Variants in ARPP21 observed in about 807,000 individuals in gnomAD.
ARPP21 encodes the protein cAMP-regulated phosphoprotein 21.
In ARPP21, 69 loss-of-function variants were observed where a neutral mutation model predicts 113.2. The ratio of observed to expected loss-of-function variants is 0.61; its 90% CI spans 0.50 to 0.74. ARPP21 has a LOEUF of 0.74. Ranked by LOEUF, ARPP21 falls within the 30% of genes least tolerant of loss-of-function variation. The pLI, the probability that ARPP21 is intolerant of heterozygous loss-of-function variation, is 0.00. For missense variants in ARPP21, 1,070 were observed against 1,037.4 expected (o/e 1.03, Z -0.43); for synonymous variants, 368 against 375.5 (o/e 0.98, Z 0.23).
At chr3:35,683,670 C>T (rs942875062) in intron 4 of ARPP21, 56 bp from the exon 5 acceptor site, 2 of 775,414 alleles carry the variant, frequency 2.6e-6, no homozygotes, top group Non-Finnish European at 4.6e-6. Flanking sequence ...TCTGAGAATG[C>T]TTCCTGTTTG....
intron 14 of ARPP21, among the ~76,000 whole-genome samples, chr3:35,725,367 G>A (rs2093445681): frequency 1.3e-5 from 2 of 152,180 alleles, no homozygotes; most frequent in African/African-American, 4.8e-5. Flanking sequence ...AGGGAGGTGA[G>A]GAGCCTCTAG....
Position 35,715,470 on chromosome 3 carries a change from A to G in ARPP21, c.929A>G (p.Glu310Gly). 1 of 1,612,108 alleles carries G rather than the reference A, an allele frequency of 6.2e-7. No individual in the cohort carries two copies. The change falls in exon 12 of 21, where the codon GAA becomes GGA. Residue 310 changes from glutamate (E) to glycine (G), a missense_variant. Coordinates refer to ENST00000684406, the MANE Select transcript of ARPP21 (RefSeq NM_001385562.1). ...TGCTCCCAGGAAAGCCTTTTTGTGG[A>G]AAACAGGTAAAATAAAATTTACTTT... ...SVCSQESLFVENSRLLEDSNI... is the reference protein window; with the variant it reads ...SVCSQESLFVGNSRLLEDSNI...
chr3:35,722,442 C>T (rs533533775), intron 14 of ARPP21, among the ~76,000 whole-genome samples: 5 of 152,248 alleles, frequency 3.3e-5, no homozygotes, highest in African/African-American at 1.2e-4. Flanking sequence ...ATTATGAAGA[C>T]TGAAAGAGTC....
At position 35,683,777 on chromosome 3, in the gene ARPP21, T is replaced by C. The variant is rs2079683691; in HGVS notation, c.223T>C (p.Ser75Pro). ...TCGCAGCCTTGCTGTCTGTGAGGAA[T>C]CTTCTGCCAGACCAGGAGGTGAAAG... ...LTRSLAVCEE[S>P]SARPGGESLQ... The change falls in exon 5 of 21, where the codon TCT becomes CCT. Residue 75 changes from serine (S) to proline (P), a missense_variant. Physicochemically the swap from Ser to Pro is moderately conservative, Grantham distance 74. Coordinates refer to ENST00000684406, the MANE Select transcript of ARPP21 (RefSeq NM_001385562.1). The C allele has an allele frequency of 6.4e-7, 1 of 1,556,402 alleles. No homozygotes were observed. The highest frequency in any genetic ancestry group is 8.9e-7 in the Non-Finnish European group (1 of 1,129,102).
chr3:35,702,994 T>C (rs2087053759), intron 9 of ARPP21, among the ~76,000 whole-genome samples: 1 of 151,812 alleles, frequency 6.6e-6, no homozygotes, highest in African/African-American at 2.4e-5. Context: ...CTGTTGTGCA[T>C]AGAAACTTTT....
At chr3:35,722,574 G>T (rs1216891958) in intron 14 of ARPP21, among the ~76,000 whole-genome samples, 1 of 152,182 alleles carries the variant, frequency 6.6e-6, no homozygotes, top group East Asian at 1.9e-4. Flanking sequence ...GATAAGACAG[G>T]TGAGTGTCAG....
At chr3:35,683,653 T>A in intron 4 of ARPP21, 73 bp from the exon 5 acceptor site, 4 of 734,828 alleles carry the variant, frequency 5.4e-6, no homozygotes, top group Non-Finnish European at 9.9e-6. Flanking sequence ...TGGAGATGAT[T>A]TGGCAGTCTG....
intron 19 of ARPP21, among the ~76,000 whole-genome samples, chr3:35,757,833 A>G (rs990512472): frequency 4.6e-5 from 7 of 152,092 alleles, no homozygotes; most frequent in Non-Finnish European, 8.8e-5. Flanking sequence ...TATTTATTCA[A>G]AACTCATTAT....
chr3:35,692,381 G>GTGT (rs1227028458), intron 9 of ARPP21, among the ~76,000 whole-genome samples: 1 of 151,572 alleles, frequency 6.6e-6, no homozygotes, highest in African/African-American at 2.4e-5. Context: ...TGTTGTTGTT[G>GTGT]TGTTGTTGTT....
chr3:35,784,956 A>G (rs2096599286), intron 19 of ARPP21: 1 of 152,100 alleles, frequency 6.6e-6, no homozygotes, highest in South Asian at 2.1e-4. Context: ...GCCATGCAAC[A>G]GTGACAGTAA....
chr3:35,683,800 A>C lies in ARPP21; in HGVS notation c.246A>C (p.Glu82Asp). 6.6e-7 allele frequency: 1 copy of C among 1,515,816 alleles called. No homozygotes were observed. Among genetic ancestry groups the C allele is most frequent in the Non-Finnish European group, 9.2e-7 (1 of 1,092,390 alleles). The allele number at this position is 1,515,816 out of a possible 1,614,324, so 93.9% of individuals were successfully genotyped here. A position where few individuals can be genotyped will look rare whatever the true frequency, so the allele number is the denominator to read the frequency against. ...AATCTTCTGCCAGACCAGGAGGTGA[A>C]AGTCTTCAGGATCAGGTATATCCCC... Reference protein sequence around the residue: ...CEESSARPGGESLQDQESIHL... With the variant: ...CEESSARPGGDSLQDQESIHL... The change falls in exon 5 of 21, where the codon GAA becomes GAC. Residue 82 changes from glutamate (E) to aspartate (D), a missense_variant. Coordinates refer to ENST00000684406, the MANE Select transcript of ARPP21 (RefSeq NM_001385562.1).
chr3:35,716,720 A>G (rs2092453908), intron 12 of ARPP21, among the ~76,000 whole-genome samples: 1 of 152,028 alleles, frequency 6.6e-6, no homozygotes, highest in Non-Finnish European at 1.5e-5. Context: ...CTCGTCTTCT[A>G]GCCAATGATT....
Position 35,667,883 on chromosome 3 carries a change from GAA to G in ARPP21, c.-212-11903_-212-11902del, listed in dbSNP as rs57840944. Among the ~76,000 whole-genome samples the G allele has an allele frequency of 5.9e-3, 810 of 137,408 alleles. 52 individuals are homozygous for G. The highest frequency in any genetic ancestry group is 5.2e-3 in the East Asian group (25 of 4,814). The allele number at this position is 137,408 out of a possible 152,430, so 90.1% of individuals were successfully genotyped here. ...AGAAGAAGAAGAAGAAGAAGAAGAA[GAA>G]GAAGAGGAAGAGGAAGAGGAAGAGG... On this transcript the variant is annotated intron_variant, in intron 1 of 20. Transcript: ENST00000684406.
In ARPP21 at chr3:35,738,196, A is replaced by AT; in HGVS notation, c.1645-12dup. 6.7e-7 allele frequency: 1 copy of AT among 1,490,312 alleles called. No individual in the cohort carries two copies. The highest frequency in any genetic ancestry group is 9.0e-7 in the Non-Finnish European group (1 of 1,105,022). The allele number at this position is 1,490,312 out of a possible 1,614,324, so 92.3% of individuals were successfully genotyped here. On this transcript the variant is annotated splice_polypyrimidine_tract_variant and intron_variant, in intron 16 of 20. Transcript: ENST00000684406. ...CCAGTGCTTTTCTGTCAGCTGATCA[A>AT]TTTTTTCTTTCCTCCAGTCTGTCCA...
chr3:35,723,247 A>T (rs946444169), intron 14 of ARPP21, among the ~76,000 whole-genome samples: 6 of 152,166 alleles, frequency 3.9e-5, no homozygotes, highest in African/African-American at 1.4e-4. Context: ...GGGGTTCCCC[A>T]CCTCCATGCA....
At chr3:35,684,187 A>T (rs2079848403) in intron 5 of ARPP21, 1 of 1,350,604 alleles carries the variant, frequency 7.4e-7, no homozygotes, top group East Asian at 2.7e-5. Flanking sequence ...GAGATGTCTT[A>T]CCTCTCAGCT....
chr3:35,687,672 T>A, intron 5 of ARPP21, 67 bp from the exon 6 acceptor site: 1 of 1,448,652 alleles, frequency 6.9e-7, no homozygotes, highest in Non-Finnish European at 9.4e-7. Flanking sequence ...ATAACCTCTA[T>A]GCAAAATGGG....
intron 6 of ARPP21, among the ~76,000 whole-genome samples, chr3:35,688,784 C>T (rs960295723): frequency 6.6e-6 from 1 of 151,464 alleles, no homozygotes; most frequent in Non-Finnish European, 1.5e-5. Context: ...AGAAATTAAG[C>T]TTTGGACAGC....
At chr3:35,759,374 G>A (rs1360633233) in intron 19 of ARPP21, among the ~76,000 whole-genome samples, 1 of 152,006 alleles carries the variant, frequency 6.6e-6, no homozygotes, top group Non-Finnish European at 1.5e-5. Context: ...CTTACTCAGA[G>A]CAATGACATA....
Sources: allele counts gnomAD v4.1 joint callset (sites outside exome capture counted in the v4.1 genomes callset), GRCh38; gene constraint gnomAD v4.1.1; transcripts MANE v1.5; gene names NCBI Gene and HGNC (gene_info 2026-07-23, HGNC 2026-07-21).